Variants in GFRAL observed in about 807,000 individuals in gnomAD.
GFRAL encodes the protein GDNF family receptor alpha-like.
Under a neutral mutation model 45.4 loss-of-function variants are expected in GFRAL, and 36 were observed. The observed-to-expected ratio is 0.79, with a 90% confidence interval of 0.61 to 1.05. The LOEUF is 1.05. GFRAL is among the 50% of genes least tolerant of loss of function. GFRAL has a pLI of 0.00. For synonymous variants in GFRAL, 166 were observed against 154.1 expected, an observed-to-expected ratio of 1.08 and a Z score of -0.57; for missense variants, 507 against 467.5, an observed-to-expected ratio of 1.08 and a Z score of -0.78.
At chr6:55,389,428 A>G (rs1442253017) in intron 6 of GFRAL, among the ~76,000 whole-genome samples, 1 of 152,100 alleles carries the variant, frequency 6.6e-6, no homozygotes, top group African/African-American at 2.4e-5. Context: ...TCATTGCTCC[A>G]TAGGTAATAC....
intron 6 of GFRAL, among the ~76,000 whole-genome samples, chr6:55,395,175 A>AT (rs1554136792): frequency 0.025 from 3,129 of 123,426 alleles, 57 homozygotes; most frequent in African/African-American, 0.03. Flanking sequence ...AAAAAAAAAA[A>AT]ATATATATAT....
intron 6 of GFRAL, among the ~76,000 whole-genome samples, chr6:55,373,905 C>G (rs536473721): frequency 6.6e-6 from 1 of 152,232 alleles, no homozygotes; most frequent in African/African-American, 2.4e-5. Context: ...CCTCCTCCCA[C>G]CAGCCACCTG....
intron 6 of GFRAL, among the ~76,000 whole-genome samples, chr6:55,395,259 A>G (rs1340094440): frequency 6.6e-6 from 1 of 150,992 alleles, no homozygotes; most frequent in African/African-American, 2.4e-5. Flanking sequence ...TTCAATGTCA[A>G]ATGAAGACAT....
chr6:55,390,269 T>C (rs1360273108), intron 6 of GFRAL, among the ~76,000 whole-genome samples: 2 of 152,232 alleles, frequency 1.3e-5, no homozygotes, highest in Non-Finnish European at 2.9e-5. Flanking sequence ...TAGTGGTATA[T>C]TATAACCCCC....
At chr6:55,377,606 T>A (rs905915251) in intron 6 of GFRAL, among the ~76,000 whole-genome samples, 14 of 151,972 alleles carry the variant, frequency 9.2e-5, no homozygotes, top group Non-Finnish European at 1.6e-4. Context: ...TACTTATCTG[T>A]GGGGAGGCTG....
chr6:55,354,649 T>C (rs910823235), intron 5 of GFRAL, among the ~76,000 whole-genome samples: 7 of 151,998 alleles, frequency 4.6e-5, no homozygotes, highest in Non-Finnish European at 1.5e-5. Context: ...TAGGGAGATT[T>C]CCAGCTTTTA....
intron 6 of GFRAL, among the ~76,000 whole-genome samples, chr6:55,395,175 A>AAAAAAAATATATATATATATATAT: frequency 1.6e-5 from 2 of 123,490 alleles, no homozygotes; most frequent in African/African-American, 6.9e-5. Context: ...AAAAAAAAAA[A>AAAAAAAATATATATATATATATAT]ATATATATAT....
chr6:55,355,503 T>C (rs980434107), intron 5 of GFRAL, among the ~76,000 whole-genome samples: 3 of 152,088 alleles, frequency 2.0e-5, no homozygotes, highest in African/African-American at 7.2e-5. Context: ...ATGGGACTAC[T>C]TTGAAGATTT....
rs538104435 is a variant in GFRAL, at chr6:55,351,290, G to C, written c.408G>C (p.Glu136Asp). The C allele has an allele frequency of 1.9e-6, 3 of 1,607,364 alleles. No homozygotes were observed. The South Asian group carries it at 3.3e-5, about 18-fold the overall frequency. ...TGTGGTCCTGTTTGGAAGTGGCAGA[G>C]GCATGTGTAGGGGATGTGGTCTGTA... ...KGMWSCLEVA[E>D]ACVGDVVCNA... The change falls in exon 5 of 9, where the codon GAG becomes GAC. Residue 136 changes from glutamate (E) to aspartate (D), a missense_variant. Coordinates refer to ENST00000340465, the MANE Select transcript of GFRAL (RefSeq NM_207410.2).
chr6:55,399,123 T>C (rs41271314), intron 6 of GFRAL, 57 bp from the exon 7 acceptor site: 34,718 of 889,276 alleles, frequency 0.039, 796 homozygotes, highest in Non-Finnish European at 0.047. Flanking sequence ...TTGTAATCCA[T>C]AAAATTAAAA....
intron 6 of GFRAL, among the ~76,000 whole-genome samples, chr6:55,386,763 G>C (rs931831712): frequency 1.3e-5 from 2 of 152,158 alleles, no homozygotes; most frequent in African/African-American, 2.4e-5. Context: ...TTCCAGTGGA[G>C]ACAAATGCTG....
intron 6 of GFRAL, among the ~76,000 whole-genome samples, chr6:55,398,961 C>CA (rs1290431917): frequency 6.6e-6 from 1 of 151,590 alleles, no homozygotes; most frequent in African/African-American, 2.4e-5. Context: ...TCTTGGTTTG[C>CA]AAAAAATAAA....
At chr6:55,369,016 C>T (rs1408771382) in intron 6 of GFRAL, among the ~76,000 whole-genome samples, 1 of 151,988 alleles carries the variant, frequency 6.6e-6, no homozygotes, top group Admixed American at 6.5e-5. Flanking sequence ...CAAGCCTGGG[C>T]AATGGCGGGC....
chr6:55,369,305 G>A (rs1278078235), intron 6 of GFRAL, among the ~76,000 whole-genome samples: 1 of 152,154 alleles, frequency 6.6e-6, no homozygotes, highest in Non-Finnish European at 1.5e-5. Context: ...TTCGGCTCAC[G>A]CAAGGTGCGC....
rs528361147 is a variant in GFRAL at position 55,338,901 on chromosome 6, T to A, written c.316+4957T>A. 5.3e-5 allele frequency among the ~76,000 whole-genome samples: 8 copies of A among 152,252 alleles called. No homozygotes were observed. In the South Asian group the frequency reaches 1.7e-3, roughly 32 times the overall value. On this transcript the variant is annotated intron_variant, in intron 3 of 8. Coordinates refer to ENST00000340465, the MANE Select transcript of GFRAL (RefSeq NM_207410.2). ...TTAAACCGTTGCTATGAGGAGCTAT[T>A]ACATATTTTAAATAGAGGAATGTAT...
intron 6 of GFRAL, among the ~76,000 whole-genome samples, chr6:55,377,314 A>G (rs1330454750): frequency 6.6e-6 from 1 of 152,074 alleles, no homozygotes; most frequent in East Asian, 1.9e-4. Flanking sequence ...TCACTAAGCC[A>G]TCACCAATAA....
chr6:55,342,380 A>C (rs1767980170), intron 3 of GFRAL, among the ~76,000 whole-genome samples: 1 of 152,166 alleles, frequency 6.6e-6, no homozygotes, highest in Non-Finnish European at 1.5e-5. Context: ...CAACATTCTT[A>C]AAGAAAAGAA....
chr6:55,386,384 C>T (rs1768682406), intron 6 of GFRAL, among the ~76,000 whole-genome samples: 1 of 152,108 alleles, frequency 6.6e-6, no homozygotes, highest in Non-Finnish European at 1.5e-5. Flanking sequence ...CTTTTGTCAT[C>T]TACAAATCCA....
intron 6 of GFRAL, among the ~76,000 whole-genome samples, chr6:55,380,658 A>C (rs1768596292): frequency 6.6e-6 from 1 of 151,948 alleles, no homozygotes; most frequent in Non-Finnish European, 1.5e-5. Flanking sequence ...GTCTGTGCTC[A>C]GAAGGGAAAG....
Sources: allele counts gnomAD v4.1 joint callset (sites outside exome capture counted in the v4.1 genomes callset), GRCh38; gene constraint gnomAD v4.1.1; transcripts MANE v1.5; gene names NCBI Gene and HGNC (gene_info 2026-07-23, HGNC 2026-07-21).